Variants in RHPN2 observed in about 807,000 individuals in gnomAD.
RHPN2 encodes the protein rhophilin-2.
RHPN2 carries 40 observed loss-of-function variants against 79.0 expected under a neutral mutation model. The ratio of observed to expected loss-of-function variants is 0.51; its 90% CI spans 0.39 to 0.66. RHPN2 has a LOEUF of 0.66. Among genes scored for constraint, RHPN2 ranks in the 30% least tolerant of loss-of-function variants. The pLI, the probability that RHPN2 is intolerant of heterozygous loss-of-function variation, is 0.00. For missense variants in RHPN2, 686 were observed against 883.5 expected (o/e 0.78, Z 2.83); for synonymous variants, 285 against 363.5 (o/e 0.78, Z 2.46).
At chr19:33,057,172 G>A (rs1019723643) in intron 1 of RHPN2, among the ~76,000 whole-genome samples, 7 of 58,044 alleles carry the variant, frequency 1.2e-4, no homozygotes, top group African/African-American at 5.7e-4. Flanking sequence ...CAGTGAGACC[G>A]TCTCTACAAA....
At chr19:33,048,542 A>G (rs1456672603) in intron 1 of RHPN2, among the ~76,000 whole-genome samples, 1 of 149,310 alleles carries the variant, frequency 6.7e-6, no homozygotes, top group African/African-American at 2.4e-5. Flanking sequence ...CCTGGCCAAC[A>G]TGGTGAAACC....
chr19:33,021,595 G>A lies in RHPN2; in HGVS notation c.366C>T (p.Asp122=), dbSNP rs148062451. ...CCTTGAGGACGACTGCAAAGTCGAC[G>A]TCTTTCGTTTCCTTCAGGCCAAGAG... The part of the protein sequence containing the change: ...LIPLGLKETK[D]VDFAVVLKDF... Residue 122 remains aspartate, a synonymous_variant, in exon 4 of 15, where the codon GAC becomes GAT. Transcript: ENST00000254260. The A allele has an allele frequency of 5.7e-4, 925 of 1,613,848 alleles. 4 individuals are homozygous for A. In the African/African-American group the frequency reaches 0.01, roughly 18 times the overall value.
intron 1 of RHPN2, among the ~76,000 whole-genome samples, chr19:33,056,872 A>G (rs7343085): frequency 0.4 from 60,866 of 150,350 alleles, 15,285 homozygotes; most frequent in African/African-American, 0.7. Context: ...CACTTTGGGA[A>G]GCCGAGGCGG....
At chr19:33,047,526 T>C (rs1972151492) in intron 1 of RHPN2, among the ~76,000 whole-genome samples, 3 of 152,318 alleles carry the variant, frequency 2.0e-5, no homozygotes, top group Admixed American at 2.0e-4. Context: ...CTCTAGGTCC[T>C]GCCCACTGCG....
intron 6 of RHPN2, among the ~76,000 whole-genome samples, chr19:33,010,216 CCCTTT>C (rs1971824829): frequency 6.6e-6 from 1 of 152,088 alleles, no homozygotes; most frequent in Non-Finnish European, 1.5e-5. Context: ...AAAGTCATCC[CCCTTT>C]CCTTTGCTTT....
chr19:33,046,148 C>T (rs180940509), intron 1 of RHPN2, among the ~76,000 whole-genome samples: 4 of 152,206 alleles, frequency 2.6e-5, no homozygotes, highest in African/African-American at 7.2e-5. Context: ...TTGACTATTA[C>T]GAATAAGGCT....
chr19:33,061,908 T>G (rs1393860506), intron 1 of RHPN2, among the ~76,000 whole-genome samples: 2 of 152,020 alleles, frequency 1.3e-5, no homozygotes, highest in Non-Finnish European at 2.9e-5. Flanking sequence ...CTTCAAGAGA[T>G]CCGCCTGCCT....
At chr19:33,064,755 T>TGGGCCCCCC in intron 1 of RHPN2, 29 bp downstream of exon 1, 19 of 1,427,940 alleles carry the variant, frequency 1.3e-5, no homozygotes, top group Non-Finnish European at 1.5e-5. Flanking sequence ...AGCCCGCAGG[T>TGGGCCCCCC]CCCCGCCCGC....
At chr19:33,019,551 C>G (rs1296762728) in intron 4 of RHPN2, among the ~76,000 whole-genome samples, 2 of 151,874 alleles carry the variant, frequency 1.3e-5, no homozygotes, top group African/African-American at 4.8e-5. Context: ...TGCACTCTAG[C>G]CTGGGCAACG....
rs569206872 is a variant in RHPN2 at position 33,017,446 on chromosome 19, T to C, written c.390+4125A>G. Reference sequence around the variant, plus strand: ...ACAAATTAAATCGTAAAGAAACTTCTACAACAGCAGCAACAGACATTTCTA... The same window carrying C: ...ACAAATTAAATCGTAAAGAAACTTCCACAACAGCAGCAACAGACATTTCTA... On this transcript the variant is annotated intron_variant, in intron 4 of 14. Transcript: ENST00000254260. 5.9e-5 allele frequency among the ~76,000 whole-genome samples: 9 copies of C among 152,186 alleles called. No homozygotes were observed. The South Asian group carries it at 1.9e-3, about 32-fold the overall frequency.
chr19:33,038,710 T>C (rs1244406201), intron 2 of RHPN2, among the ~76,000 whole-genome samples: 1 of 152,088 alleles, frequency 6.6e-6, no homozygotes, highest in African/African-American at 2.4e-5. Context: ...CAGGCTGGAG[T>C]GCAATGGCGC....
chr19:33,012,840 A>G (rs1350319674), intron 4 of RHPN2, 116 bp from the exon 5 acceptor site: 48 of 678,612 alleles, frequency 7.1e-5, no homozygotes, highest in Admixed American at 2.3e-4. Flanking sequence ...AGAAAAACTT[A>G]TAGTGATTTT....
At chr19:33,057,297 C>G (rs12983403) in intron 1 of RHPN2, among the ~76,000 whole-genome samples, 24,522 of 150,552 alleles carry the variant, frequency 0.16, 2,166 homozygotes, top group East Asian at 0.36. Flanking sequence ...GAGCTATGAT[C>G]ATGCCACTGC....
intron 9 of RHPN2, among the ~76,000 whole-genome samples, chr19:33,001,233 C>T (rs1264883130): frequency 6.6e-6 from 1 of 152,150 alleles, no homozygotes; most frequent in African/African-American, 2.4e-5. Flanking sequence ...TGGATTAGTA[C>T]TCATTAGATC....
At chr19:33,014,776 A>T (rs1971864719) in intron 4 of RHPN2, among the ~76,000 whole-genome samples, 1 of 152,036 alleles carries the variant, frequency 6.6e-6, no homozygotes, top group Admixed American at 6.6e-5. Context: ...AAAAAATAAA[A>T]AAATAAAATA....
chr19:33,037,875 C>T (rs995400983), intron 2 of RHPN2, among the ~76,000 whole-genome samples: 1 of 99,416 alleles, frequency 1.0e-5, no homozygotes, highest in Non-Finnish European at 1.7e-5. Context: ...TGCACTGCTA[C>T]ACTCAGTGTG....
chr19:33,013,165 C>T (rs1021711564), intron 4 of RHPN2, among the ~76,000 whole-genome samples: 37 of 146,222 alleles, frequency 2.5e-4, no homozygotes, highest in Non-Finnish European at 5.2e-4. Flanking sequence ...TGTCAGCCAC[C>T]GTGCCCGGCC....
chr19:32,991,839 G>C lies in RHPN2; in HGVS notation c.1628C>G (p.Pro543Arg). The change falls in exon 13 of 15, where the codon CCT becomes CGT. Residue 543 changes from proline (P) to arginine (R), a missense_variant. Physicochemically the swap from Pro to Arg is moderately radical, Grantham distance 103. Coordinates refer to ENST00000254260, the MANE Select transcript of RHPN2 (RefSeq NM_033103.5). ...TGTGCTTACCGAGGCAGAGCAGTAA[G>C]GATCCAGGAAGTGAACCTGAACGGG... is the stretch of plus-strand genomic sequence containing the variant. The part of the protein sequence containing the change: ...NAPVQVHFLD[P>R]YCSASVAGAR... 6.2e-7 allele frequency: 1 copy of C among 1,613,982 alleles called. No individual in the cohort carries two copies. Among genetic ancestry groups the C allele is most frequent in the Non-Finnish European group, 8.5e-7 (1 of 1,179,864 alleles).
chr19:33,023,658 G>A (rs1472370993), intron 3 of RHPN2, among the ~76,000 whole-genome samples: 6 of 151,564 alleles, frequency 4.0e-5, no homozygotes, highest in East Asian at 2.0e-4. Flanking sequence ...GGTGGCGGGC[G>A]CCTTTAGTCC....
Sources: gnomAD v4.1 joint callset for allele counts (sites outside exome capture counted in the v4.1 genomes callset) on GRCh38, gnomAD v4.1.1 for gene constraint, MANE v1.5 for transcripts, NCBI Gene and HGNC (gene_info 2026-07-23, HGNC 2026-07-21) for gene names.